The following ZNF90 variants were observed in gnomAD, a reference collection of about 807,000 sequenced individuals.
The protein encoded by ZNF90 is zinc finger protein HTF9.
ZNF90 carries 11 observed loss-of-function variants against 12.0 expected under a neutral mutation model. The observed-to-expected ratio is 0.92, with a 90% CI of 0.58 to 1.52. The LOEUF (loss-of-function observed/expected upper bound fraction) is 1.52. Ranked by LOEUF, ZNF90 falls within the 40% of genes most tolerant of loss-of-function variation. The pLI, the probability that ZNF90 is intolerant of heterozygous loss-of-function variation, is 0.00. For synonymous variants in ZNF90, 232 were observed against 240.1 expected (o/e 0.97, Z 0.31); for missense variants, 765 against 711.5 (o/e 1.08, Z -0.86).
At chr19:20,112,810 T>C (rs2089101617) in intron 3 of ZNF90, among the ~76,000 whole-genome samples, 1 of 152,198 alleles carries the variant, frequency 6.6e-6, no homozygotes, top group South Asian at 2.1e-4. Context: ...CTTCAAGTAC[T>C]TCTGTATTTC....
intron 1 of ZNF90, among the ~76,000 whole-genome samples, chr19:20,092,370 GT>G (rs1555702820): frequency 6.6e-6 from 1 of 152,192 alleles, no homozygotes; most frequent in East Asian, 1.9e-4. Flanking sequence ...AGGTCAAGTT[GT>G]TTGGACAAAA....
chr19:20,091,603 A>G (rs1555702721), intron 1 of ZNF90, among the ~76,000 whole-genome samples: 4 of 152,190 alleles, frequency 2.6e-5, no homozygotes, highest in African/African-American at 9.7e-5. Context: ...CTTTATCAGC[A>G]TAAGCATTGC....
At chr19:20,082,749 G>C (rs1457819223) in intron 1 of ZNF90, among the ~76,000 whole-genome samples, 3 of 152,110 alleles carry the variant, frequency 2.0e-5, no homozygotes, top group African/African-American at 4.8e-5. Context: ...CCCCCAGCCC[G>C]ACACCCATAA....
intron 1 of ZNF90, among the ~76,000 whole-genome samples, chr19:20,087,850 CA>C (rs782059660): frequency 1.8e-4 from 28 of 152,022 alleles, no homozygotes; most frequent in Admixed American, 1.1e-3. Context: ...AAATTAAAGT[CA>C]AAGGGGGTTT....
At chr19:20,113,786 C>T (rs1289085521) in intron 3 of ZNF90, among the ~76,000 whole-genome samples, 2 of 152,012 alleles carry the variant, frequency 1.3e-5, no homozygotes, top group African/African-American at 4.8e-5. Context: ...GGAGATCGCG[C>T]CACTGCACTC....
chr19:20,106,698 C>A (rs1190353901), intron 3 of ZNF90, among the ~76,000 whole-genome samples: 2 of 152,224 alleles, frequency 1.3e-5, no homozygotes, highest in African/African-American at 2.4e-5. Flanking sequence ...CGTGATCCAC[C>A]CGCCTTGGCC....
Position 20,118,787 on chromosome 19 carries a change from A to G in ZNF90, c.1233A>G (p.Thr411=), listed in dbSNP as rs879963963. The G allele has an allele frequency of 1.9e-6, 3 of 1,587,638 alleles. No individual in the cohort carries two copies. The highest frequency in any genetic ancestry group is 8.5e-7 in the Non-Finnish European group (1 of 1,169,658). Residue 411 remains threonine (T), a synonymous_variant, in exon 4 of 4, where the codon ACA becomes ACG. Coordinates refer to ENST00000418063, the MANE Select transcript of ZNF90 (RefSeq NM_007138.2). ...GCAAAGCCTTCAAGCGCTCCTCAAC[A>G]CTTACTATACATAAGATAAGTCATA... ...ECGKAFKRSS[T]LTIHKISHTE... is the part of the protein sequence containing the mutation.
At chr19:20,108,333 G>A (rs2089057148) in intron 3 of ZNF90, among the ~76,000 whole-genome samples, 2 of 152,282 alleles carry the variant, frequency 1.3e-5, no homozygotes, top group South Asian at 4.1e-4. Flanking sequence ...TTTTGGAGAA[G>A]TAGTTACTCT....
rs373978945 is a variant in ZNF90 at position 20,119,140 on chromosome 19, T to G, written c.1586T>G (p.Ile529Arg). The G allele has an allele frequency of 9.9e-6, 16 of 1,613,060 alleles. No individual in the cohort carries two copies. In the African/African-American group the frequency reaches 2.1e-4, roughly 22 times the overall value. ...KRSSVLSKHK[I>R]IHTGAKPYKC... ...TCCTCAGTCCTTAGTAAACATAAGATAATTCATACTGGAGCGAAACCCTAC... is the reference window on the plus strand; with the variant it reads ...TCCTCAGTCCTTAGTAAACATAAGAGAATTCATACTGGAGCGAAACCCTAC... Residue 529 changes from isoleucine (I) to arginine (R), a missense_variant, in exon 4 of 4, where the codon ATA becomes AGA. By Grantham distance (97) the Ile-to-Arg change is moderately conservative. Coordinates refer to ENST00000418063, the MANE Select transcript of ZNF90 (RefSeq NM_007138.2).
At chr19:20,102,363 C>T (rs1456259392) in intron 1 of ZNF90, among the ~76,000 whole-genome samples, 1 of 152,142 alleles carries the variant, frequency 6.6e-6, no homozygotes, top group Non-Finnish European at 1.5e-5. Context: ...ACTATTCATC[C>T]CACCACTCTG....
intron 1 of ZNF90, among the ~76,000 whole-genome samples, chr19:20,096,193 T>C (rs1170509047): frequency 1.2e-4 from 18 of 152,182 alleles, no homozygotes; most frequent in African/African-American, 4.3e-4. Context: ...GCTTACCGGA[T>C]TTGAAATTGG....
chr19:20,110,342 G>C (rs181408558), intron 3 of ZNF90, among the ~76,000 whole-genome samples: 1 of 151,922 alleles, frequency 6.6e-6, no homozygotes, highest in Non-Finnish European at 1.5e-5. Flanking sequence ...GCAGTGGTGT[G>C]ATCTTGGCTC....
chr19:20,093,835 G>A (rs759141909), intron 1 of ZNF90, among the ~76,000 whole-genome samples: 18 of 152,108 alleles, frequency 1.2e-4, no homozygotes, highest in African/African-American at 2.2e-4. Context: ...AAAGCTCGGC[G>A]TCCATGATGG....
intron 1 of ZNF90, among the ~76,000 whole-genome samples, chr19:20,078,686 T>G (rs1432138653): frequency 6.6e-6 from 1 of 152,090 alleles, no homozygotes; most frequent in East Asian, 1.9e-4. Flanking sequence ...CTACCCCTTC[T>G]TCTCCCTTCT....
chr19:20,097,453 A>G (rs184645523), intron 1 of ZNF90, among the ~76,000 whole-genome samples: 65 of 152,356 alleles, frequency 4.3e-4, no homozygotes, highest in African/African-American at 1.3e-3. Context: ...TCAGATTTCT[A>G]TAAATTTCAC....
chr19:20,093,065 G>A (rs1439318843), intron 1 of ZNF90, among the ~76,000 whole-genome samples: 2 of 152,246 alleles, frequency 1.3e-5, no homozygotes, highest in Non-Finnish European at 2.9e-5. Context: ...GAGAGGCTGG[G>A]ACGAGGGGTG....
Position 20,078,050 on chromosome 19 carries a change from G to T in ZNF90, c.-83G>T. 1 of 1,588,142 alleles carries T rather than the reference G, an allele frequency of 6.3e-7. No individual in the cohort carries two copies. ...CTCCAAATCTGGTCTTAGCTGCTTC[G>T]TGTCTTCTTCTCCAGCCTCTGTGGC... On this transcript the variant is annotated 5_prime_UTR_variant, in exon 1 of 4. Transcript: ENST00000418063.
chr19:20,089,762 G>A (rs2088887416), intron 1 of ZNF90, among the ~76,000 whole-genome samples: 2 of 152,312 alleles, frequency 1.3e-5, no homozygotes, highest in African/African-American at 4.8e-5. Context: ...GCTGTTAAAG[G>A]AAGTTCGGAG....
chr19:20,078,868 A>AT (rs1186348470), intron 1 of ZNF90, among the ~76,000 whole-genome samples: 3 of 152,114 alleles, frequency 2.0e-5, no homozygotes, highest in African/African-American at 7.2e-5. Flanking sequence ...CCTGCCTGTA[A>AT]TTTCAGCACT....
Sources: gnomAD v4.1 joint callset for allele counts (sites outside exome capture counted in the v4.1 genomes callset) on GRCh38, gnomAD v4.1.1 for gene constraint, MANE v1.5 for transcripts, NCBI Gene and HGNC (gene_info 2026-07-23, HGNC 2026-07-21) for gene names.